CERS4: variants seen among roughly 807,000 people sequenced by gnomAD.
CERS4 encodes LAG1 homolog, ceramide synthase 4.
CERS4 carries 65 observed loss-of-function variants against 51.8 expected under a neutral mutation model. The ratio of observed to expected loss-of-function variants is 1.26; its 90% confidence interval spans 1.03 to 1.54. CERS4 has a LOEUF of 1.54. CERS4 is among the 40% of genes most tolerant of loss of function. The pLI is 0.00. For synonymous variants in CERS4, 228 were observed against 208.4 expected (o/e 1.09, Z -0.81); for missense variants, 563 against 500.4 (o/e 1.13, Z -1.19).
Position 8,257,927 on chromosome 19 carries a change from C to CA in CERS4, c.790_791insA (p.Leu264HisfsTer66). ...GCAGTATCAGCAAGTGTGCGACGCT[C>CA]TCTTCCTCATCTTCTCCTTTGTCTT... On this transcript the variant is annotated frameshift_variant, in exon 10 of 12. Transcript: ENST00000251363. LOFTEE classifies it high-confidence loss of function. 6.2e-7 allele frequency: 1 copy of CA among 1,614,098 alleles called. No homozygotes were observed. The highest frequency in any genetic ancestry group is 8.5e-7 in the Non-Finnish European group (1 of 1,180,028).
intron 2 of CERS4, among the ~76,000 whole-genome samples, chr19:8,243,081 T>A (rs1238211966): frequency 6.7e-6 from 1 of 149,724 alleles, no homozygotes; most frequent in Non-Finnish European, 1.5e-5. Context: ...GCTGCACCAG[T>A]GACTCAGAAG....
At chr19:8,257,559 A>C (rs1322722122) in intron 9 of CERS4, among the ~76,000 whole-genome samples, 1 of 152,056 alleles carries the variant, frequency 6.6e-6, no homozygotes, top group Non-Finnish European at 1.5e-5. Flanking sequence ...GCTTCCCAAG[A>C]AGCTGGGATT....
intron 2 of CERS4, among the ~76,000 whole-genome samples, chr19:8,249,023 G>A (rs1484015063): frequency 6.7e-6 from 1 of 149,444 alleles, no homozygotes; most frequent in African/African-American, 2.5e-5. Flanking sequence ...TTGGATGGGT[G>A]GATGGATGGA....
rs531042884 is a variant in CERS4 at position 8,222,745 on chromosome 19, G to A, written c.-2+11883G>A. Among the ~76,000 whole-genome samples, 20 of 151,596 alleles carry A rather than the reference G, an allele frequency of 1.3e-4. No homozygotes were observed. The Middle Eastern group carries it at 0.01, about 78-fold the overall frequency. Reference sequence around the variant, plus strand: ...ACTCCTGACCTCAGATGATCCACCCGCCTCGGCCTCCCAAAATGCTGAGAT... The same window carrying A: ...ACTCCTGACCTCAGATGATCCACCCACCTCGGCCTCCCAAAATGCTGAGAT... On this transcript the variant is annotated intron_variant, in intron 2 of 11. Coordinates refer to ENST00000251363, the MANE Select transcript of CERS4 (RefSeq NM_024552.3).
At chr19:8,248,516 T>C (rs935631608) in intron 2 of CERS4, among the ~76,000 whole-genome samples, 2 of 150,974 alleles carry the variant, frequency 1.3e-5, no homozygotes, top group Admixed American at 6.6e-5. Context: ...GATGGACAGA[T>C]TTTTGGATCA....
intron 2 of CERS4, among the ~76,000 whole-genome samples, chr19:8,233,197 GCT>G (rs1012274601): frequency 6.6e-6 from 1 of 151,734 alleles, no homozygotes. Context: ...GCGGAGTCTT[GCT>G]CTGTCACCCA....
At chr19:8,214,942 G>GGGGGAGGAGA (rs1967230301) in intron 2 of CERS4, among the ~76,000 whole-genome samples, 5 of 145,370 alleles carry the variant, frequency 3.4e-5, no homozygotes, top group Admixed American at 2.8e-4. Context: ...GGAAGACGAG[G>GGGGGAGGAGA]GGGAGGAGAG....
At chr19:8,243,194 T>TA (rs56754017) in intron 2 of CERS4, among the ~76,000 whole-genome samples, 32 of 59,894 alleles carry the variant, frequency 5.3e-4, no homozygotes, top group African/African-American at 1.0e-3. Context: ...ACCCTGTCTC[T>TA]AAAAAAAAAA....
intron 2 of CERS4, chr19:8,250,477 G>C (rs1163964713): frequency 6.6e-6 from 1 of 152,300 alleles, no homozygotes; most frequent in East Asian, 1.9e-4. Context: ...TTGTTTTTGA[G>C]ATGGAGTCTT....
chr19:8,221,662 C>A (rs930177182), intron 2 of CERS4, among the ~76,000 whole-genome samples: 2 of 150,244 alleles, frequency 1.3e-5, no homozygotes, highest in African/African-American at 4.9e-5. Flanking sequence ...TCTCCTGCCT[C>A]GGCCTCCCAA....
At position 8,255,204 on chromosome 19, in the gene CERS4, C is replaced by T. The variant is rs75353170; in HGVS notation, c.292-403C>T. On this transcript the variant is annotated intron_variant, in intron 4 of 11. Transcript: ENST00000251363. ...ACAGGGCAGCTTCCGCAGAGCTAGA[C>T]GTGACTCCCCCTTTACTTGTCAATT... is the stretch of plus-strand genomic sequence containing the variant. Among the ~76,000 whole-genome samples, 1,495 of 152,204 alleles carry T rather than the reference C, an allele frequency of 9.8e-3. 28 individuals are homozygous for T. Among genetic ancestry groups the T allele is most frequent in the African/African-American group, 0.034 (1,400 of 41,518 alleles).
At chr19:8,221,882 T>G (rs1290903123) in intron 2 of CERS4, among the ~76,000 whole-genome samples, 1 of 95,536 alleles carries the variant, frequency 1.0e-5, no homozygotes, top group Admixed American at 1.0e-4. Flanking sequence ...GTTTTTTTTT[T>G]TTTTTTTTTT....
chr19:8,238,976 C>T (rs1968395830), intron 2 of CERS4, among the ~76,000 whole-genome samples: 1 of 152,014 alleles, frequency 6.6e-6, no homozygotes, highest in Non-Finnish European at 1.5e-5. Context: ...TGGCATGCTC[C>T]TGTAGTCCCA....
intron 2 of CERS4, among the ~76,000 whole-genome samples, chr19:8,223,053 G>T (rs1967629046): frequency 6.6e-6 from 1 of 152,122 alleles, no homozygotes; most frequent in Non-Finnish European, 1.5e-5. Flanking sequence ...GTTGTCCCTG[G>T]CTGGGTGCAG....
chr19:8,254,867 A>C (rs1054900674), intron 4 of CERS4, among the ~76,000 whole-genome samples: 2 of 144,744 alleles, frequency 1.4e-5, no homozygotes, highest in African/African-American at 2.4e-5. Flanking sequence ...CCTCCCTGGG[A>C]GATGAGGACC....
At chr19:8,238,313 G>A (rs1207421909) in intron 2 of CERS4, among the ~76,000 whole-genome samples, 9 of 152,060 alleles carry the variant, frequency 5.9e-5, no homozygotes, top group Admixed American at 5.9e-4. Flanking sequence ...GCTGGGGAGG[G>A]GACTCTGCCT....
intron 10 of CERS4, among the ~76,000 whole-genome samples, chr19:8,259,185 T>C (rs1969550560): frequency 6.6e-6 from 1 of 151,728 alleles, no homozygotes; most frequent in African/African-American, 2.4e-5. Flanking sequence ...AGGTGGGTAG[T>C]TGGAATTAGA....
intron 2 of CERS4, among the ~76,000 whole-genome samples, chr19:8,235,007 C>CTTTTTTTTTTTTTTTTTT (rs566104740): frequency 1.6e-5 from 2 of 127,892 alleles, no homozygotes; most frequent in Non-Finnish European, 3.2e-5. Flanking sequence ...TTCTTTCTTT[C>CTTTTTTTTTTTTTTTTTT]TTTCTTTTTT....
Position 8,210,374 on chromosome 19 carries a change from C to T in CERS4, c.-158-332C>T, listed in dbSNP as rs1439135322. 1.3e-5 allele frequency among the ~76,000 whole-genome samples: 2 copies of T among 151,948 alleles called. No individual in the cohort carries two copies. Among genetic ancestry groups the T allele is most frequent in the Non-Finnish European group, 2.9e-5 (2 of 67,990 alleles). On this transcript the variant is annotated intron_variant, in intron 1 of 11. Coordinates refer to ENST00000251363, the MANE Select transcript of CERS4 (RefSeq NM_024552.3). This position sits in a 1 kb window ranked among gnomAD's most constrained non-coding sequence, Gnocchi z 4.2. ...TAATTCTGTCTGTTTGCAAGTGGAGCGTGGGGGACCGATGTTTCTCCTGGG... is the reference window on the plus strand; with the variant it reads ...TAATTCTGTCTGTTTGCAAGTGGAGTGTGGGGGACCGATGTTTCTCCTGGG...
Sources: gnomAD v4.1 joint callset for allele counts (sites outside exome capture counted in the v4.1 genomes callset) on GRCh38, gnomAD v4.1.1 for gene constraint, Gnocchi (gnomAD v3.1) non-coding constraint, MANE v1.5 for transcripts, NCBI Gene and HGNC (gene_info 2026-07-23, HGNC 2026-07-21) for gene names.